The following KNTC1 variants were observed in gnomAD, a reference collection of about 807,000 sequenced individuals.
KNTC1 encodes the protein kinetochore associated 1.
In KNTC1, 253 loss-of-function variants were observed where a neutral mutation model predicts 314.4. The observed-to-expected ratio is 0.80, with a 90% CI of 0.73 to 0.89. The LOEUF (loss-of-function observed/expected upper bound fraction) is 0.89, where lower values mean the gene tolerates loss of function less well. Among genes scored for constraint, KNTC1 ranks in the 40% least tolerant of loss-of-function variants. KNTC1 has a pLI of 0.00. For synonymous variants in KNTC1, 901 were observed against 901.4 expected (o/e 1.00, Z 0.01); for missense variants, 2,475 against 2,572.9 (o/e 0.96, Z 0.82).
chr12:122,540,229 A>G (rs1171211476), intron 5 of KNTC1, among the ~76,000 whole-genome samples: 4 of 149,840 alleles, frequency 2.7e-5, no homozygotes, highest in African/African-American at 9.9e-5. Context: ...CTGGAGTGCA[A>G]TGGCACGACC....
chr12:122,535,530 C>T (rs1217569954), intron 3 of KNTC1, among the ~76,000 whole-genome samples: 1 of 152,216 alleles, frequency 6.6e-6, no homozygotes, highest in African/African-American at 2.4e-5. Flanking sequence ...ATAGTTCCAG[C>T]TACTCGGGAG....
In KNTC1 at chr12:122,593,258, C is replaced by CT. The variant is rs796563515; in HGVS notation, c.4246-1011dup. On this transcript the variant is annotated intron_variant, in intron 42 of 63. Transcript: ENST00000333479. ...ACGTAAATGGCCTTTATTTTTCTTT[C>CT]TTTTTTTCTTTTTTTTTTTTTTTTG... 809 of 153,870 alleles carry CT rather than the reference C, an allele frequency of 5.3e-3. 8 individuals are homozygous for CT. The highest frequency in any genetic ancestry group is 0.02 in the African/African-American group (764 of 39,090). 9.5% of individuals were successfully genotyped at this position (153,870 alleles called of 1,614,324 possible). A position where few individuals can be genotyped will look rare whatever the true frequency, so the allele number is the denominator to read the frequency against.
chr12:122,576,659 G>A (rs534264037), intron 29 of KNTC1, among the ~76,000 whole-genome samples: 15 of 152,134 alleles, frequency 9.9e-5, no homozygotes, highest in Middle Eastern at 6.8e-3. Context: ...GTAGCCTGGC[G>A]ACAGAGGGAG....
At chr12:122,553,771 A>G (rs1418333183) in intron 16 of KNTC1, among the ~76,000 whole-genome samples, 1 of 152,028 alleles carries the variant, frequency 6.6e-6, no homozygotes, top group African/African-American at 2.4e-5. Flanking sequence ...AAGGGAGAAA[A>G]ACTGTAAGAA....
intron 5 of KNTC1, among the ~76,000 whole-genome samples, chr12:122,541,279 G>GCCTTCCTT (rs1250793495): frequency 9.8e-6 from 1 of 102,430 alleles, no homozygotes; most frequent in African/African-American, 4.2e-5. Flanking sequence ...CTGCCTGCCT[G>GCCTTCCTT]CCTGCCTGCC....
At position 122,588,804 on chromosome 12, in the gene KNTC1, A is replaced by AC; in HGVS notation, c.3988dup (p.Leu1330ProfsTer7). ...TATTTATCAGGGAAAATGCTACAACACTACTGCACAAAGTAAGTATTTGTT... is the reference window on the plus strand; with the variant it reads ...TATTTATCAGGGAAAATGCTACAACACCTACTGCACAAAGTAAGTATTTGTT... On this transcript the variant is annotated frameshift_variant, in exon 40 of 64. Transcript: ENST00000333479. 6.5e-7 allele frequency: 1 copy of AC among 1,536,634 alleles called. No individual in the cohort carries two copies. Among genetic ancestry groups the AC allele is most frequent in the Non-Finnish European group, 8.7e-7 (1 of 1,143,802 alleles).
At chr12:122,565,137 G>A (rs906528093) in intron 20 of KNTC1, among the ~76,000 whole-genome samples, 37 of 151,444 alleles carry the variant, frequency 2.4e-4, no homozygotes, top group Non-Finnish European at 4.1e-4. Context: ...TTACCACATG[G>A]ATTTGATTTC....
chr12:122,603,278 A>G, intron 48 of KNTC1, 35 bp downstream of exon 48: 1 of 1,380,236 alleles, frequency 7.2e-7, no homozygotes, highest in Non-Finnish European at 9.9e-7. Flanking sequence ...TAGTTAAAAA[A>G]AAAAAAAAAG....
intron 3 of KNTC1, among the ~76,000 whole-genome samples, chr12:122,535,879 T>C (rs1961768723): frequency 6.6e-6 from 1 of 151,120 alleles, no homozygotes; most frequent in Non-Finnish European, 1.5e-5. Context: ...TAGGCAAGAA[T>C]ATTATGAAAG....
chr12:122,594,202 A>G, intron 42 of KNTC1, 74 bp from the exon 43 acceptor site: 1 of 819,630 alleles, frequency 1.2e-6, no homozygotes, highest in Non-Finnish European at 2.0e-6. Context: ...AAGGCAAGTC[A>G]TGATGTTGCC....
chr12:122,543,627 C>T lies in KNTC1; in HGVS notation c.551C>T (p.Ala184Val). 6.4e-7 allele frequency: 1 copy of T among 1,550,530 alleles called. No individual in the cohort carries two copies. Among genetic ancestry groups the T allele is most frequent in the Non-Finnish European group, 8.7e-7 (1 of 1,144,920 alleles). Reference protein sequence around the residue: ...QAIENVDFSTAKKLQGQIKSS... With the variant: ...QAIENVDFSTVKKLQGQIKSS... ...ATTGAGAATGTAGACTTCAGTACAG[C>T]AAAAAAGGTAAGAAAATAAATCCAT... is the stretch of plus-strand genomic sequence containing the variant. Residue 184 changes from alanine to valine, a missense_variant, in exon 7 of 64, where the codon GCA (alanine) becomes GTA (valine). Physicochemically the swap from Ala to Val is moderately conservative, Grantham distance 64. Transcript: ENST00000333479.
At chr12:122,598,479 G>A (rs1871367988) in intron 44 of KNTC1, among the ~76,000 whole-genome samples, 1 of 140,428 alleles carries the variant, frequency 7.1e-6, no homozygotes, top group South Asian at 2.2e-4. Context: ...GGAGTGCAGT[G>A]GTATGAATGT....
At chr12:122,603,733 C>T (rs575085493) in intron 48 of KNTC1, among the ~76,000 whole-genome samples, 4 of 152,076 alleles carry the variant, frequency 2.6e-5, no homozygotes, top group African/African-American at 7.2e-5. Context: ...CCTTGTGATC[C>T]GCCCGCCTCG....
chr12:122,586,755 A>C lies in KNTC1; in HGVS notation c.3728A>C (p.Glu1243Ala). 2 of 1,398,338 alleles carry C rather than the reference A, an allele frequency of 1.4e-6. No individual in the cohort carries two copies. The highest frequency in any genetic ancestry group is 1.9e-6 in the Non-Finnish European group (2 of 1,036,138). 86.6% of individuals were successfully genotyped at this position (1,398,338 alleles called of 1,614,324 possible). Residue 1243 changes from glutamate (E) to alanine (A), a missense_variant and splice_region_variant, in exon 38 of 64, where the codon GAA becomes GCA. Physicochemically the swap from Glu to Ala is moderately radical, Grantham distance 107. Transcript: ENST00000333479. ...STSLPYCSLN[E>A]GDGLVLPVIN... ...AGTTTGCCATACTGCTCCCTTAATG[A>C]AGGTATTTGGCACAAGAAATATATA...
chr12:122,557,032 C>T (rs1963649012), intron 16 of KNTC1, among the ~76,000 whole-genome samples: 1 of 150,440 alleles, frequency 6.6e-6, no homozygotes, highest in Non-Finnish European at 1.5e-5. Context: ...GCTGGCACTA[C>T]ATCTAGCTTC....
Position 122,557,590 on chromosome 12 carries a change from T to C in KNTC1, c.1399-10T>C. ...AGGTTGCCTTACTGTGTCTGGCATT[T>C]GTGAAACAGGATGATGAATTTGTGG... is the stretch of plus-strand genomic sequence containing the variant. On this transcript the variant is annotated splice_polypyrimidine_tract_variant and intron_variant, in intron 17 of 63. Coordinates refer to ENST00000333479, the MANE Select transcript of KNTC1 (RefSeq NM_014708.6). 1.4e-5 allele frequency: 23 copies of C among 1,612,994 alleles called. No homozygotes were observed. The highest frequency in any genetic ancestry group is 1.9e-5 in the Non-Finnish European group (22 of 1,179,374).
rs768538246 is a variant in KNTC1, at chr12:122,580,680, T to C, written c.2982+10T>C. The stretch of plus-strand genomic sequence containing the variant: ...GGTTGCTAGCTTACAGGTAAACATA[T>C]TGAGCCATGTTAAACATTATTACTT... On this transcript the variant is annotated intron_variant, in intron 33 of 63. Transcript: ENST00000333479. 8 of 1,520,376 alleles carry C rather than the reference T, an allele frequency of 5.3e-6. No individual in the cohort carries two copies. Among genetic ancestry groups the C allele is most frequent in the South Asian group, 1.2e-5 (1 of 81,090 alleles). The allele number at this position is 1,520,376 out of a possible 1,614,324, so 94.2% of individuals were successfully genotyped here. A position where few individuals can be genotyped will look rare whatever the true frequency, so the allele number is the denominator to read the frequency against.
chr12:122,618,461 G>T (rs1182235852), intron 58 of KNTC1, 21 bp from the exon 59 acceptor site: 28 of 1,559,364 alleles, frequency 1.8e-5, no homozygotes, highest in African/African-American at 1.0e-4. Flanking sequence ...TATCATGGTT[G>T]TTTTTTTGTT....
intron 51 of KNTC1, chr12:122,609,090 A>C (rs1054246027): frequency 6.2e-6 from 2 of 322,456 alleles, no homozygotes; most frequent in Non-Finnish European, 1.1e-5. Flanking sequence ...ATAAAAATCC[A>C]ATGCATGTCA....
Sources: gnomAD v4.1 joint callset for allele counts (sites outside exome capture counted in the v4.1 genomes callset) on GRCh38, gnomAD v4.1.1 for gene constraint, MANE v1.5 for transcripts, NCBI Gene and HGNC (gene_info 2026-07-23, HGNC 2026-07-21) for gene names.